Variants in ARHGEF2 observed in about 807,000 individuals in gnomAD.
ARHGEF2 encodes Rho/Rac guanine nucleotide exchange factor 2.
ARHGEF2 carries 22 observed loss-of-function variants against 121.0 expected under a neutral mutation model. The ratio of observed to expected loss-of-function variants is 0.18; its 90% confidence interval spans 0.13 to 0.26. The LOEUF (loss-of-function observed/expected upper bound fraction) is 0.26. ARHGEF2 is among the 10% of genes least tolerant of loss of function. The probability of loss-of-function intolerance (pLI) is 1.00; values close to 1 mark genes in which losing one functional copy is unlikely to be tolerated. For missense variants in ARHGEF2, 907 were observed against 1,336.0 expected (o/e 0.68, Z 5.01); for synonymous variants, 487 against 530.0 (o/e 0.92, Z 1.11).
In ARHGEF2 at chr1:155,978,313, T is replaced by C. The variant is rs1681697271; in HGVS notation, c.63+52A>G. 7.1e-7 allele frequency: 1 copy of C among 1,400,182 alleles called. No individual in the cohort carries two copies. Among genetic ancestry groups the C allele is most frequent in the Non-Finnish European group, 9.5e-7 (1 of 1,051,684 alleles). 86.7% of individuals were successfully genotyped at this position (1,400,182 alleles called of 1,614,324 possible). ...AGGAGATGCACCGCGGGTGCCGGGG[T>C]TCGGGGAGCACCCGAGGACCGCGGC... On this transcript the variant is annotated intron_variant, in intron 1 of 21. Coordinates refer to ENST00000361247, the MANE Select transcript of ARHGEF2 (RefSeq NM_001162383.2). This position sits in a 1 kb window ranked among gnomAD's most constrained non-coding sequence, Gnocchi z 4.1.
In ARHGEF2 at chr1:155,946,883, A is replaced by AT. The variant is rs200909000; in HGVS notation, c.*1058dup. 8.5e-5 allele frequency: 13 copies of AT among 152,604 alleles called. No individual in the cohort carries two copies. Among genetic ancestry groups the AT allele is most frequent in the South Asian group, 5.9e-4 (3 of 5,114 alleles). The allele number at this position is 152,604 out of a possible 1,614,324, so 9.5% of individuals were successfully genotyped here. A position where few individuals can be genotyped will look rare whatever the true frequency, so the allele number is the denominator to read the frequency against. On this transcript the variant is annotated 3_prime_UTR_variant, in exon 22 of 22. Transcript: ENST00000361247. Reference sequence around the variant, plus strand: ...GTTCCAGGTTTTTAATTTTCCCTGAATTTTTTTTTTAAACAACAAAATTGG... The same window carrying AT: ...GTTCCAGGTTTTTAATTTTCCCTGAATTTTTTTTTTTAAACAACAAAATTGG...
intron 1 of ARHGEF2, among the ~76,000 whole-genome samples, chr1:155,976,603 C>G: frequency 7.9e-6 from 1 of 126,922 alleles, no homozygotes; most frequent in Non-Finnish European, 1.7e-5. Flanking sequence ...TAGCTACCTG[C>G]CCCCACAGAA....
At chr1:155,956,887 CAAAAAAAAAAA>C (rs34831517) in intron 13 of ARHGEF2, among the ~76,000 whole-genome samples, 2 of 80,432 alleles carry the variant, frequency 2.5e-5, no homozygotes, top group Non-Finnish European at 4.6e-5. Context: ...ACTCTGTCTC[CAAAAAAAAAAA>C]AAAAAAAAAA....
At position 155,961,419 on chromosome 1, in the gene ARHGEF2, C is replaced by T. The variant is rs535520218; in HGVS notation, c.1468+242G>A. Reference sequence around the variant, plus strand: ...CCTCCTGAGTAGCTGGGACTATAGGCGCCCACCACCACGCCCGGCGAATTT... The same window carrying T: ...CCTCCTGAGTAGCTGGGACTATAGGTGCCCACCACCACGCCCGGCGAATTT... On this transcript the variant is annotated intron_variant, in intron 11 of 21. Transcript: ENST00000361247. The surrounding 1 kb of genome is among the most constrained non-coding windows in gnomAD (Gnocchi z 4.7). Among the ~76,000 whole-genome samples, 5 of 152,086 alleles carry T rather than the reference C, an allele frequency of 3.3e-5. No individual in the cohort carries two copies. Among genetic ancestry groups the T allele is most frequent in the African/African-American group, 1.2e-4 (5 of 41,458 alleles).
In ARHGEF2 at chr1:155,965,238, C is replaced by T; in HGVS notation, c.580+65G>A. Reference sequence around the variant, plus strand: ...CCTTGTCCTTCCAGGCTACTCCCACCAGCCTCTCATCCCCCAGCCCCTCTT... The same window carrying T: ...CCTTGTCCTTCCAGGCTACTCCCACTAGCCTCTCATCCCCCAGCCCCTCTT... On this transcript the variant is annotated intron_variant, in intron 6 of 21. Coordinates refer to ENST00000361247, the MANE Select transcript of ARHGEF2 (RefSeq NM_001162383.2). This position sits in a 1 kb window ranked among gnomAD's most constrained non-coding sequence, Gnocchi z 6.0. 6.2e-7 allele frequency: 1 copy of T among 1,604,636 alleles called. No homozygotes were observed. Among genetic ancestry groups the T allele is most frequent in the Non-Finnish European group, 8.5e-7 (1 of 1,171,872 alleles).
chr1:155,953,746 C>CAA (rs926082849), intron 14 of ARHGEF2, among the ~76,000 whole-genome samples: 9 of 45,132 alleles, frequency 2.0e-4, no homozygotes, highest in Admixed American at 4.9e-4. Flanking sequence ...GACCCTGTCT[C>CAA]AAAAAAAAAA....
chr1:155,974,548 C>T (rs913105839), intron 1 of ARHGEF2, among the ~76,000 whole-genome samples: 6 of 151,888 alleles, frequency 4.0e-5, no homozygotes, highest in African/African-American at 1.5e-4. Flanking sequence ...TTATGAGCTT[C>T]CAGGGACAAG....
At chr1:155,973,588 A>T (rs1572197328) in intron 1 of ARHGEF2, among the ~76,000 whole-genome samples, 1 of 152,120 alleles carries the variant, frequency 6.6e-6, no homozygotes, top group East Asian at 1.9e-4. Context: ...TCTACTAAAA[A>T]TACAAAAATT....
chr1:155,952,951 T>G, intron 14 of ARHGEF2, 123 bp from the exon 15 acceptor site: 1 of 893,074 alleles, frequency 1.1e-6, no homozygotes. Context: ...TTTGTTATTT[T>G]GGCATTTATA....
Position 155,965,522 on chromosome 1 carries a change from T to C in ARHGEF2, c.470+109A>G. ...AGGCGGTCCCCCTAAGTTCTCCTTA[T>C]TTGTCTGTCTACAGTTCTGAACTCA... is the stretch of plus-strand genomic sequence containing the variant. On this transcript the variant is annotated intron_variant, in intron 5 of 21. Transcript: ENST00000361247. The surrounding 1 kb of genome is among the most constrained non-coding windows in gnomAD (Gnocchi z 6.0). 1 of 1,603,632 alleles carries C rather than the reference T, an allele frequency of 6.2e-7. No individual in the cohort carries two copies. Among genetic ancestry groups the C allele is most frequent in the Middle Eastern group, 1.7e-4 (1 of 6,022 alleles).
At position 155,976,750 on chromosome 1, in the gene ARHGEF2, A is replaced by C. The variant is rs1407542673; in HGVS notation, c.63+1615T>G. 3.3e-5 allele frequency among the ~76,000 whole-genome samples: 5 copies of C among 151,360 alleles called. No homozygotes were observed. In the East Asian group the frequency reaches 9.8e-4, roughly 30 times the overall value. On this transcript the variant is annotated intron_variant, in intron 1 of 21. Transcript: ENST00000361247. ...TGGCTCTACTCCAGGGTCTCAGCTC[A>C]AACGGTTGAAAAAATAAACAGACTT... is the stretch of plus-strand genomic sequence containing the variant.
chr1:155,947,766 G>A lies in ARHGEF2; in HGVS notation c.*176C>T. 1.2e-5 allele frequency: 7 copies of A among 565,190 alleles called. No individual in the cohort carries two copies. In the South Asian group the frequency reaches 1.7e-4, roughly 14 times the overall value. 35.0% of individuals were successfully genotyped at this position (565,190 alleles called of 1,614,324 possible). On this transcript the variant is annotated 3_prime_UTR_variant, in exon 22 of 22. Coordinates refer to ENST00000361247, the MANE Select transcript of ARHGEF2 (RefSeq NM_001162383.2). ...TTTCGGATGTCCCAGGGGGTGTTGT[G>A]GCCTAATTCCCCTAGCTTCTTAAAT...
chr1:155,951,827 G>A lies in ARHGEF2; in HGVS notation c.2173-51C>T, dbSNP rs369802368. 6.8e-6 allele frequency: 11 copies of A among 1,613,244 alleles called. No homozygotes were observed. In the African/African-American group the frequency reaches 1.2e-4, roughly 18 times the overall value. ...GTCAGCAGGCACACAAATCCTGGGTGCCTGCCCCTGACAGCTTTGTGTTGA... is the reference window on the plus strand; with the variant it reads ...GTCAGCAGGCACACAAATCCTGGGTACCTGCCCCTGACAGCTTTGTGTTGA... On this transcript the variant is annotated intron_variant, in intron 17 of 21. Coordinates refer to ENST00000361247, the MANE Select transcript of ARHGEF2 (RefSeq NM_001162383.2). The surrounding 1 kb of genome is among the most constrained non-coding windows in gnomAD (Gnocchi z 5.1).
intron 1 of ARHGEF2, among the ~76,000 whole-genome samples, chr1:155,972,787 G>A (rs1458714086): frequency 5.3e-5 from 8 of 150,520 alleles, no homozygotes; most frequent in Non-Finnish European, 1.2e-4. Flanking sequence ...CCGCAGCCTT[G>A]ACCTCCCGGG....
At chr1:155,969,906 T>C in intron 1 of ARHGEF2, 2 of 985,352 alleles carry the variant, frequency 2.0e-6, no homozygotes, top group South Asian at 4.7e-5. Context: ...CTCTAACTCT[T>C]TTCACCAACC....
chr1:155,976,589 C>T (rs1385830311), intron 1 of ARHGEF2, among the ~76,000 whole-genome samples: 1 of 151,018 alleles, frequency 6.6e-6, no homozygotes, highest in Non-Finnish European at 1.5e-5. Flanking sequence ...AAAAGGGATC[C>T]CAGTAGCTAC....
intron 7 of ARHGEF2, among the ~76,000 whole-genome samples, chr1:155,964,176 A>ATATATATATG (rs1553244942): frequency 1.0e-4 from 10 of 95,472 alleles, no homozygotes; most frequent in African/African-American, 4.6e-4. Context: ...AAATATATAT[A>ATATATATATG]TATATATATA....
intron 21 of ARHGEF2, among the ~76,000 whole-genome samples, chr1:155,948,225 T>C (rs1674707821): frequency 6.6e-6 from 1 of 152,246 alleles, no homozygotes; most frequent in Non-Finnish European, 1.5e-5. Flanking sequence ...ACTTTTACAG[T>C]ATCCAAAGAT....
At position 155,957,852 on chromosome 1, in the gene ARHGEF2, G is replaced by C; in HGVS notation, c.1576C>G (p.Leu526Val). 3 of 1,614,162 alleles carry C rather than the reference G, an allele frequency of 1.9e-6. No individual in the cohort carries two copies. The highest frequency in any genetic ancestry group is 2.5e-6 in the Non-Finnish European group (3 of 1,180,030). Residue 526 changes from leucine (L) to valine (V), a missense_variant, in exon 13 of 22, where the codon CTA becomes GTA. Physicochemically the swap from Leu to Val is conservative, Grantham distance 32 (BLOSUM62 1). Coordinates refer to ENST00000361247, the MANE Select transcript of ARHGEF2 (RefSeq NM_001162383.2). ...TGGTTGGCAATGTCTCGTACGATTA[G>C]ATTCTGCAGCGATACCACTGAAGGC... ...DKPSVVSLQN[L>V]IVRDIANQEK...
Sources: allele counts gnomAD v4.1 joint callset (sites outside exome capture counted in the v4.1 genomes callset), GRCh38; gene constraint gnomAD v4.1.1; non-coding constraint Gnocchi (gnomAD v3.1); transcripts MANE v1.5; gene names NCBI Gene and HGNC (gene_info 2026-07-23, HGNC 2026-07-21).